Variants in FOXN3 observed in about 807,000 individuals in gnomAD.
FOXN3 encodes the protein forkhead box protein N3.
A neutral mutation model predicts 38.4 loss-of-function variants in FOXN3; 7 were observed. That is an observed-to-expected ratio of 0.18 (90% CI 0.10 to 0.34). FOXN3 has a LOEUF of 0.34. Ranked by LOEUF, FOXN3 falls within the 10% of genes least tolerant of loss-of-function variation. The pLI is 1.00. For missense variants in FOXN3, 456 were observed against 613.4 expected, an observed-to-expected ratio of 0.74 and a Z score of 2.71; for synonymous variants, 230 against 242.2, an observed-to-expected ratio of 0.95 and a Z score of 0.47.
intron 5 of FOXN3, among the ~76,000 whole-genome samples, chr14:89,171,133 T>C (rs1307181146): frequency 2.0e-5 from 3 of 151,970 alleles, no homozygotes; most frequent in African/African-American, 7.2e-5. Flanking sequence ...AAAAGGGACA[T>C]AGTTACAAAA....
chr14:89,506,725 C>A (rs1256056715), intron 1 of FOXN3, among the ~76,000 whole-genome samples: 3 of 152,156 alleles, frequency 2.0e-5, no homozygotes, highest in Non-Finnish European at 2.9e-5. Context: ...CGGATGGTTG[C>A]CGTGTCTGTG....
chr14:89,534,129 AGC>A (rs1894634806), intron 1 of FOXN3, among the ~76,000 whole-genome samples: 1 of 131,438 alleles, frequency 7.6e-6, no homozygotes, highest in African/African-American at 3.0e-5. Flanking sequence ...TTTTTGAGAC[AGC>A]GTCTCACTCT....
At chr14:89,448,944 CAA>C (rs56206718) in intron 1 of FOXN3, among the ~76,000 whole-genome samples, 65,025 of 146,196 alleles carry the variant, frequency 0.44, 14,012 homozygotes, top group Admixed American at 0.5. Flanking sequence ...AACACTGTCT[CAA>C]AAAAAAAAAA....
At chr14:89,298,310 T>C (rs975747375) in intron 3 of FOXN3, among the ~76,000 whole-genome samples, 2 of 152,036 alleles carry the variant, frequency 1.3e-5, no homozygotes, top group Non-Finnish European at 2.9e-5. Flanking sequence ...GGTTGTTTAA[T>C]GAGTACAGGG....
intron 4 of FOXN3, among the ~76,000 whole-genome samples, chr14:89,213,904 TGTAACA>T (rs1884180776): frequency 6.6e-6 from 1 of 152,378 alleles, no homozygotes; most frequent in African/African-American, 2.4e-5. Flanking sequence ...TTATACTCAC[TGTAACA>T]GTAACAAAGA....
chr14:89,393,569 C>T (rs550642854), intron 2 of FOXN3, among the ~76,000 whole-genome samples: 114 of 152,290 alleles, frequency 7.5e-4, no homozygotes, highest in African/African-American at 2.6e-3. Context: ...GGCCACATGG[C>T]GGCCAGAAAC....
chr14:89,216,301 G>A (rs1884279445), intron 4 of FOXN3, among the ~76,000 whole-genome samples: 1 of 152,060 alleles, frequency 6.6e-6, no homozygotes, highest in East Asian at 1.9e-4. Context: ...AGAAAAAACA[G>A]ATAAACACAA....
intron 3 of FOXN3, among the ~76,000 whole-genome samples, chr14:89,288,670 TTCTCTCTCTCTCTCTCTCTCTCTC>T (rs1202531466): frequency 7.4e-5 from 4 of 54,162 alleles, no homozygotes; most frequent in African/African-American, 2.5e-4. Context: ...GGCACTCTCT[TTCTCTCTCTCTCTCTCTCTCTCTC>T]TCTCTCTCTC....
intron 1 of FOXN3, among the ~76,000 whole-genome samples, chr14:89,416,420 AG>A (rs1249613780): frequency 4.6e-5 from 7 of 152,204 alleles, no homozygotes; most frequent in Admixed American, 3.9e-4. Flanking sequence ...GGTTTCAAAC[AG>A]GGCCGGGATG....
intron 2 of FOXN3, among the ~76,000 whole-genome samples, chr14:89,352,752 A>G (rs958497193): frequency 2.0e-5 from 3 of 152,240 alleles, no homozygotes; most frequent in African/African-American, 7.2e-5. Flanking sequence ...TACAAAAATA[A>G]TATGACAAAG....
intron 2 of FOXN3, among the ~76,000 whole-genome samples, chr14:89,360,392 G>A (rs1240434125): frequency 4.0e-5 from 6 of 149,644 alleles, no homozygotes; most frequent in Admixed American, 4.0e-4. Flanking sequence ...GGGAGGGAGG[G>A]AGGCAGGAAG....
intron 1 of FOXN3, among the ~76,000 whole-genome samples, chr14:89,531,800 C>CTTGTT (rs10550578): frequency 1.5e-4 from 23 of 151,034 alleles, no homozygotes; most frequent in South Asian, 6.3e-4. Context: ...GCCAGTGGTT[C>CTTGTT]TTGTTTTGTT....
chr14:89,418,739 G>A (rs1344740009), upstream of FOXN3, among the ~76,000 whole-genome samples: 4 of 149,204 alleles, frequency 2.7e-5, no homozygotes, highest in Non-Finnish European at 6.0e-5. Context: ...ACAAAGCCAG[G>A]ATGAGACAAT....
At chr14:89,383,444 G>A (rs1394433413) in intron 2 of FOXN3, among the ~76,000 whole-genome samples, 3 of 152,210 alleles carry the variant, frequency 2.0e-5, no homozygotes, top group African/African-American at 7.2e-5. Flanking sequence ...ACTTTCAATA[G>A]TTTCCCAGAG....
rs370301252 is a variant in FOXN3, at chr14:89,180,685, C to T, written c.851+16G>A. On this transcript the variant is annotated intron_variant, in intron 5 of 5. Transcript: ENST00000557258. ...CACTCCCCAGGCTGGCTCTGCCCAGCGCACTCCCCACTTACCTCATGGCCG... is the reference window on the plus strand; with the variant it reads ...CACTCCCCAGGCTGGCTCTGCCCAGTGCACTCCCCACTTACCTCATGGCCG... 3.2e-6 allele frequency: 5 copies of T among 1,581,048 alleles called. No homozygotes were observed. The highest frequency in any genetic ancestry group is 1.7e-5 in the Admixed American group (1 of 57,636).
At chr14:89,195,775 G>A (rs767947220) in intron 4 of FOXN3, among the ~76,000 whole-genome samples, 4 of 152,164 alleles carry the variant, frequency 2.6e-5, no homozygotes, top group Non-Finnish European at 4.4e-5. Context: ...GTGAGACAGG[G>A]GGGTACGAGA....
chr14:89,428,761 C>T (rs1045812025), intron 1 of FOXN3, among the ~76,000 whole-genome samples: 1 of 152,232 alleles, frequency 6.6e-6, no homozygotes, highest in Non-Finnish European at 1.5e-5. Flanking sequence ...GCGCAGGGGT[C>T]CAAGCACCTG....
At chr14:89,615,954 G>C (rs947243717) in intron 1 of FOXN3, among the ~76,000 whole-genome samples, 1 of 152,092 alleles carries the variant, frequency 6.6e-6, no homozygotes, top group Non-Finnish European at 1.5e-5. Flanking sequence ...ATTGTTAATT[G>C]AACAAGTTTT....
chr14:89,540,200 T>C (rs778694329), intron 1 of FOXN3, among the ~76,000 whole-genome samples: 1 of 152,192 alleles, frequency 6.6e-6, no homozygotes, highest in Non-Finnish European at 1.5e-5. Flanking sequence ...ATTGTGGACA[T>C]TTCTGAGCAA....
Sources: gnomAD v4.1 joint callset for allele counts (sites outside exome capture counted in the v4.1 genomes callset) on GRCh38, gnomAD v4.1.1 for gene constraint, MANE v1.5 for transcripts, NCBI Gene and HGNC (gene_info 2026-07-23, HGNC 2026-07-21) for gene names.